The following PTPRN2 variants were observed in gnomAD, a reference collection of about 807,000 sequenced individuals.
PTPRN2 encodes the protein receptor-type tyrosine-protein phosphatase N2.
In PTPRN2, 74 loss-of-function variants were observed where a neutral mutation model predicts 118.8. The ratio of observed to expected loss-of-function variants is 0.62; its 90% CI spans 0.52 to 0.76. The LOEUF (loss-of-function observed/expected upper bound fraction) is 0.76. Among genes scored for constraint, PTPRN2 ranks in the 30% least tolerant of loss-of-function variants. The pLI is 0.00. For missense variants in PTPRN2, 1,481 were observed against 1,394.4 expected, an observed-to-expected ratio of 1.06 and a Z score of -0.99; for synonymous variants, 641 against 608.0, an observed-to-expected ratio of 1.05 and a Z score of -0.80.
chr7:157,885,075 A>G (rs1244523839), intron 12 of PTPRN2, among the ~76,000 whole-genome samples: 1 of 152,188 alleles, frequency 6.6e-6, no homozygotes, highest in East Asian at 1.9e-4. Context: ...GTAGGAACTC[A>G]GAAGAACAGA....
At chr7:157,981,324 G>C (rs1253507726) in intron 11 of PTPRN2, among the ~76,000 whole-genome samples, 1 of 124,036 alleles carries the variant, frequency 8.1e-6, no homozygotes, top group Non-Finnish European at 1.7e-5. Flanking sequence ...AGGTGAAACT[G>C]CTCAAACTCC....
intron 11 of PTPRN2, among the ~76,000 whole-genome samples, chr7:157,904,659 T>C (rs1016218671): frequency 1.7e-4 from 26 of 152,240 alleles, no homozygotes; most frequent in African/African-American, 6.0e-4. Context: ...CCAGTGTCTG[T>C]GGGGCGTCAG....
intron 2 of PTPRN2, among the ~76,000 whole-genome samples, chr7:158,478,048 C>T (rs941218944): frequency 3.9e-5 from 6 of 152,198 alleles, no homozygotes; most frequent in Admixed American, 1.3e-4. Context: ...GGCAGGAAAC[C>T]GAGTGGGAAG....
intron 3 of PTPRN2, among the ~76,000 whole-genome samples, chr7:158,252,815 A>G (rs923518346): frequency 3.3e-5 from 5 of 151,858 alleles, no homozygotes; most frequent in African/African-American, 9.7e-5. Context: ...CCCAAATCCA[A>G]TCCTCCCCAA....
At chr7:157,630,986 C>T (rs78364771) in intron 14 of PTPRN2, among the ~76,000 whole-genome samples, 3,345 of 152,308 alleles carry the variant, frequency 0.022, 123 homozygotes, top group African/African-American at 0.076. Context: ...GTGGGCACCA[C>T]AACTGGCTTC....
At chr7:157,744,181 G>A (rs1003454751) in intron 12 of PTPRN2, among the ~76,000 whole-genome samples, 5 of 152,236 alleles carry the variant, frequency 3.3e-5, no homozygotes, top group African/African-American at 1.2e-4. Flanking sequence ...AGGAATCAGA[G>A]CGTAAACAAG....
chr7:158,269,999 G>C (rs1798203000), intron 3 of PTPRN2, among the ~76,000 whole-genome samples: 1 of 152,236 alleles, frequency 6.6e-6, no homozygotes, highest in Non-Finnish European at 1.5e-5. Flanking sequence ...AGCAGAGACA[G>C]AGTCCCAGCA....
At chr7:158,456,360 C>T (rs1423729572) in intron 2 of PTPRN2, among the ~76,000 whole-genome samples, 1 of 148,274 alleles carries the variant, frequency 6.7e-6, no homozygotes, top group Non-Finnish European at 1.5e-5. Flanking sequence ...AGCATGGACG[C>T]CATTGGCCAC....
rs111329807 is a variant in PTPRN2 at position 158,192,664 on chromosome 7, G to A, written c.381-169C>T. 1.3e-3 allele frequency among the ~76,000 whole-genome samples: 198 copies of A among 152,242 alleles called. 1 individual carries two copies. The highest frequency in any genetic ancestry group is 4.4e-3 in the African/African-American group (182 of 41,544). ...GGGTTTGAACTTCTCCCGGGCCCCCGAGCCTGTGTCCTGCACGAGGATGGC... is the reference window on the plus strand; with the variant it reads ...GGGTTTGAACTTCTCCCGGGCCCCCAAGCCTGTGTCCTGCACGAGGATGGC... On this transcript the variant is annotated intron_variant, in intron 4 of 22. Transcript: ENST00000389418.
At chr7:158,308,617 A>T (rs1464794767) in intron 3 of PTPRN2, among the ~76,000 whole-genome samples, 3 of 132,442 alleles carry the variant, frequency 2.3e-5, no homozygotes, top group East Asian at 1.9e-4. Flanking sequence ...AATGACAGAG[A>T]GTGTTTGAAA....
At chr7:157,939,106 G>A (rs544317559) in intron 11 of PTPRN2, among the ~76,000 whole-genome samples, 42 of 152,006 alleles carry the variant, frequency 2.8e-4, no homozygotes, top group Non-Finnish European at 4.0e-4. Context: ...CCCAAATTCC[G>A]AATTACAGTC....
rs1033328851 is a variant in PTPRN2, at chr7:157,951,417, C to G, written c.1724-52680G>C. 2.6e-5 allele frequency among the ~76,000 whole-genome samples: 4 copies of G among 152,186 alleles called. No homozygotes were observed. In the East Asian group the frequency reaches 7.7e-4, roughly 29 times the overall value. On this transcript the variant is annotated intron_variant, in intron 11 of 22. Transcript: ENST00000389418. ...GGAACAGCGCCCGGTGCACACACCC[C>G]TTTCCATCTTCCCTATTGGCACCTT...
At position 158,052,772 on chromosome 7, in the gene PTPRN2, G is replaced by T. The variant is rs1382204822; in HGVS notation, c.1723+28526C>A. On this transcript the variant is annotated intron_variant, in intron 11 of 22. Coordinates refer to ENST00000389418, the MANE Select transcript of PTPRN2 (RefSeq NM_002847.5). ...GTGCAGCCACTGCTTTGCCTCGAGG[G>T]GGCTGTGGAGGGGTGCCCTTTGGAT... Among the ~76,000 whole-genome samples the T allele has an allele frequency of 2.0e-5, 3 of 152,278 alleles. No homozygotes were observed. In the East Asian group the frequency reaches 5.8e-4, roughly 29 times the overall value.
intron 12 of PTPRN2, among the ~76,000 whole-genome samples, chr7:157,795,772 G>A (rs1804831378): frequency 6.6e-6 from 1 of 152,222 alleles, no homozygotes; most frequent in Non-Finnish European, 1.5e-5. Context: ...GGAGGTGGAG[G>A]AGGTGGCACC....
chr7:158,331,534 GTCACCATAAGAGCTGACACCCGCAGAC>G (rs1563152260), intron 2 of PTPRN2, among the ~76,000 whole-genome samples: 11 of 72,514 alleles, frequency 1.5e-4, no homozygotes, highest in African/African-American at 2.4e-4. Context: ...CACCCACACT[GTCACCATAAGAGCTGACACCCGCAGAC>G]GTCACTCACA....
In PTPRN2 at chr7:158,574,952, C is replaced by A. The variant is rs1005984112; in HGVS notation, c.112+12606G>T. Among the ~76,000 whole-genome samples the A allele has an allele frequency of 2.6e-5, 4 of 152,204 alleles. No individual in the cohort carries two copies. Among genetic ancestry groups the A allele is most frequent in the African/African-American group, 9.7e-5 (4 of 41,444 alleles). ...AACTGGCCACCACCAGACTACTCACCCTCTTCTCCTTCAGGCTGCAAATTA... is the reference window on the plus strand; with the variant it reads ...AACTGGCCACCACCAGACTACTCACACTCTTCTCCTTCAGGCTGCAAATTA... On this transcript the variant is annotated intron_variant, in intron 1 of 22. Coordinates refer to ENST00000389418, the MANE Select transcript of PTPRN2 (RefSeq NM_002847.5). This position sits in a 1 kb window ranked among gnomAD's most constrained non-coding sequence, Gnocchi z 4.6.
In PTPRN2 at chr7:157,974,160, C is replaced by A. The variant is rs533971487; in HGVS notation, c.1724-75423G>T. 6.6e-6 allele frequency among the ~76,000 whole-genome samples: 1 copy of A among 152,210 alleles called. No individual in the cohort carries two copies. Among genetic ancestry groups the A allele is most frequent in the South Asian group, 2.1e-4 (1 of 4,828 alleles). On this transcript the variant is annotated intron_variant, in intron 11 of 22. Coordinates refer to ENST00000389418, the MANE Select transcript of PTPRN2 (RefSeq NM_002847.5). The surrounding 1 kb of genome is among the most constrained non-coding windows in gnomAD (Gnocchi z 4.0). ...GCACAGGTCATGAGCGCCGGCCCTG[C>A]GGATCCGGCGATGATCATTGTGGAA...
chr7:158,585,910 G>A (rs555548234), intron 1 of PTPRN2, among the ~76,000 whole-genome samples: 14 of 152,314 alleles, frequency 9.2e-5, no homozygotes, highest in Admixed American at 9.1e-4. Flanking sequence ...CTGGAGGAAG[G>A]AATACAACCC....
At chr7:158,266,570 T>G (rs1350858573) in intron 3 of PTPRN2, among the ~76,000 whole-genome samples, 1 of 152,108 alleles carries the variant, frequency 6.6e-6, no homozygotes, top group African/African-American at 2.4e-5. Flanking sequence ...GGGGCCAGTG[T>G]GGCTGTGAGC....
Sources: allele counts gnomAD v4.1 joint callset (sites outside exome capture counted in the v4.1 genomes callset), GRCh38; gene constraint gnomAD v4.1.1; non-coding constraint Gnocchi (gnomAD v3.1); transcripts MANE v1.5; gene names NCBI Gene and HGNC (gene_info 2026-07-23, HGNC 2026-07-21).